The following SORCS2 variants were observed in gnomAD, a reference collection of about 807,000 sequenced individuals.
SORCS2 encodes the protein sortilin related VPS10 domain containing receptor 2, also known as VPS10 domain-containing receptor SorCS2.
A neutral mutation model predicts 141.6 loss-of-function variants in SORCS2; 100 were observed. That is an observed-to-expected ratio of 0.71 (90% CI 0.60 to 0.83). The LOEUF (loss-of-function observed/expected upper bound fraction) is 0.83. Ranked by LOEUF, SORCS2 falls within the 40% of genes least tolerant of loss-of-function variation. The pLI, the probability that SORCS2 is intolerant of heterozygous loss-of-function variation, is 0.00. For missense variants in SORCS2, 1,646 were observed against 1,560.2 expected (o/e 1.05, Z -0.93); for synonymous variants, 789 against 676.9 (o/e 1.17, Z -2.57).
At chr4:7,332,339 C>T (rs1719704035) in intron 1 of SORCS2, among the ~76,000 whole-genome samples, 1 of 152,186 alleles carries the variant, frequency 6.6e-6, no homozygotes, top group Non-Finnish European at 1.5e-5. Flanking sequence ...GGCTGCTCTC[C>T]AAGAACAGGA....
chr4:7,415,438 C>T (rs1553858720), intron 2 of SORCS2, among the ~76,000 whole-genome samples: 1 of 152,200 alleles, frequency 6.6e-6, no homozygotes, highest in Non-Finnish European at 1.5e-5. Context: ...CCCTCTGACC[C>T]TTTTTTTGTT....
chr4:7,425,264 C>G (rs1303404190), intron 2 of SORCS2, among the ~76,000 whole-genome samples: 1 of 152,226 alleles, frequency 6.6e-6, no homozygotes, highest in Non-Finnish European at 1.5e-5. Context: ...CCAGAGACCC[C>G]AGGACTGGCC....
chr4:7,348,832 C>T (rs775469325), intron 1 of SORCS2, among the ~76,000 whole-genome samples: 4 of 152,206 alleles, frequency 2.6e-5, no homozygotes, highest in African/African-American at 7.2e-5. Context: ...GGATTACAGG[C>T]ATGAGCCACT....
chr4:7,406,861 T>C (rs1206921225), intron 2 of SORCS2, among the ~76,000 whole-genome samples: 1 of 152,076 alleles, frequency 6.6e-6, no homozygotes, highest in Middle Eastern at 3.2e-3. Flanking sequence ...CTGTATCCCA[T>C]AGATTTGGGT....
chr4:7,537,530 C>A (rs993829192), intron 3 of SORCS2, among the ~76,000 whole-genome samples: 1 of 151,962 alleles, frequency 6.6e-6, no homozygotes. Flanking sequence ...GAGAGAGAGC[C>A]CTTTGCTTTG....
rs1027039975 is a variant in SORCS2 at position 7,741,242 on chromosome 4, T to C, written c.*978T>C. 1 of 398,666 alleles carries C rather than the reference T, an allele frequency of 2.5e-6. No homozygotes were observed. The highest frequency in any genetic ancestry group is 4.4e-6 in the Non-Finnish European group (1 of 226,128). 24.7% of individuals were successfully genotyped at this position (398,666 alleles called of 1,614,324 possible). On this transcript the variant is annotated 3_prime_UTR_variant, in exon 27 of 27. Transcript: ENST00000507866. ...AAACCAAGCTGGGAGAGGCTGAGGA[T>C]GGCAGGGCTGGAAGGGCCATCAGCG...
At chr4:7,221,827 A>T (rs185214481) in intron 1 of SORCS2, among the ~76,000 whole-genome samples, 1 of 151,670 alleles carries the variant, frequency 6.6e-6, no homozygotes, top group Admixed American at 6.5e-5. Context: ...TAAGTTAAGC[A>T]TATATTTAAG....
At chr4:7,212,855 T>C (rs1728131670) in intron 1 of SORCS2, among the ~76,000 whole-genome samples, 1 of 152,230 alleles carries the variant, frequency 6.6e-6, no homozygotes, top group Non-Finnish European at 1.5e-5. Flanking sequence ...CAGGAGCCCA[T>C]GGAGGGCAGG....
At chr4:7,500,407 A>G (rs1481042411) in intron 2 of SORCS2, among the ~76,000 whole-genome samples, 1 of 151,920 alleles carries the variant, frequency 6.6e-6, no homozygotes, top group Non-Finnish European at 1.5e-5. Context: ...CAGGCCCTGG[A>G]ATGGGGGCTT....
intron 2 of SORCS2, among the ~76,000 whole-genome samples, chr4:7,447,851 T>A (rs776171953): frequency 4.6e-5 from 7 of 152,198 alleles, no homozygotes; most frequent in Non-Finnish European, 4.4e-5. Flanking sequence ...CATGTGCGTT[T>A]TGGGTTACTG....
chr4:7,601,789 C>T (rs1717704450), intron 3 of SORCS2, among the ~76,000 whole-genome samples: 2 of 152,122 alleles, frequency 1.3e-5, no homozygotes, highest in South Asian at 4.2e-4. Flanking sequence ...ACAAAGGTCT[C>T]TGGTTTTCCT....
intron 2 of SORCS2, among the ~76,000 whole-genome samples, chr4:7,508,923 C>G (rs1017764541): frequency 6.6e-6 from 1 of 152,072 alleles, no homozygotes; most frequent in African/African-American, 2.4e-5. Context: ...GGAGGGGGCC[C>G]GGCTGCAAGC....
At chr4:7,440,233 A>T (rs1367174004) in intron 2 of SORCS2, among the ~76,000 whole-genome samples, 2 of 152,166 alleles carry the variant, frequency 1.3e-5, no homozygotes, top group Non-Finnish European at 2.9e-5. Context: ...TGCAGGTAGG[A>T]CCCTGACCTG....
intron 12 of SORCS2, among the ~76,000 whole-genome samples, chr4:7,701,027 A>C (rs1325371818): frequency 6.6e-6 from 1 of 152,204 alleles, no homozygotes; most frequent in Non-Finnish European, 1.5e-5. Flanking sequence ...AGCACGCCTC[A>C]CGGCACAAGG....
At chr4:7,391,928 A>G (rs1027174752) in intron 1 of SORCS2, among the ~76,000 whole-genome samples, 2 of 152,192 alleles carry the variant, frequency 1.3e-5, no homozygotes, top group Non-Finnish European at 2.9e-5. Context: ...AACCATTAGC[A>G]GGGCTGGAGG....
intron 2 of SORCS2, among the ~76,000 whole-genome samples, chr4:7,426,038 C>G (rs572108876): frequency 4.6e-5 from 7 of 152,156 alleles, no homozygotes; most frequent in Non-Finnish European, 7.4e-5. Flanking sequence ...TCTTCTGCCC[C>G]GGGATGCTGG....
chr4:7,213,206 G>A (rs11937057), intron 1 of SORCS2, among the ~76,000 whole-genome samples: 30,133 of 152,238 alleles, frequency 0.2, 3,893 homozygotes, highest in African/African-American at 0.36. Flanking sequence ...TGGTCCCACC[G>A]CCATCTCGCC....
chr4:7,312,445 C>T (rs577534337), intron 1 of SORCS2, among the ~76,000 whole-genome samples: 2 of 152,122 alleles, frequency 1.3e-5, no homozygotes, highest in South Asian at 4.2e-4. Flanking sequence ...ATGCCTCTGC[C>T]CATTTCTCCC....
At chr4:7,698,699 T>C (rs1472324234) in intron 12 of SORCS2, among the ~76,000 whole-genome samples, 6 of 152,182 alleles carry the variant, frequency 3.9e-5, no homozygotes, top group African/African-American at 1.4e-4. Context: ...TCTGGGAAAG[T>C]GCTGAGCCGA....
Sources: allele counts gnomAD v4.1 joint callset (sites outside exome capture counted in the v4.1 genomes callset), GRCh38; gene constraint gnomAD v4.1.1; transcripts MANE v1.5; gene names NCBI Gene and HGNC (gene_info 2026-07-23, HGNC 2026-07-21).